The following CACNA1A variants were observed in gnomAD, a reference collection of about 807,000 sequenced individuals.
The protein encoded by CACNA1A is calcium voltage-gated channel subunit alpha1 A.
In CACNA1A, 57 loss-of-function variants were observed where a neutral mutation model predicts 262.4. That is an observed-to-expected ratio of 0.22 (90% CI 0.18 to 0.27). The LOEUF is 0.27. Among genes scored for constraint, CACNA1A ranks in the 10% least tolerant of loss-of-function variants. CACNA1A has a pLI of 1.00. For missense variants in CACNA1A, 2,526 were observed against 3,562.8 expected (o/e 0.71, Z 7.41); for synonymous variants, 1,431 against 1,419.3 (o/e 1.01, Z -0.18).
At chr19:13,369,653 G>C (rs903684327) in intron 4 of CACNA1A, among the ~76,000 whole-genome samples, 1 of 152,190 alleles carries the variant, frequency 6.6e-6, no homozygotes, top group Non-Finnish European at 1.5e-5. Context: ...AGAGACTCTT[G>C]TTACTACTGC....
At chr19:13,224,888 C>T in intron 37 of CACNA1A, 116 bp from the exon 38 acceptor site, 1 of 687,964 alleles carries the variant, frequency 1.5e-6, no homozygotes, top group Non-Finnish European at 2.5e-6. Flanking sequence ...GCTGTGGCGG[C>T]TGAGGTGTCT....
intron 22 of CACNA1A, among the ~76,000 whole-genome samples, chr19:13,282,212 C>T (rs1325615858): frequency 6.6e-6 from 1 of 152,006 alleles, no homozygotes; most frequent in African/African-American, 2.4e-5. Flanking sequence ...AAGCTGTGGG[C>T]GGGCTTGAGG....
rs538527582 is a variant in CACNA1A, at chr19:13,348,885, G to A, written c.978+10721C>T. ...TAGCTGGGTGTGGTGGCACGCACCT[G>A]TAATCCCAGCTACTTGGGAGGTTGA... On this transcript the variant is annotated intron_variant, in intron 6 of 46. Transcript: ENST00000360228. Among the ~76,000 whole-genome samples the A allele has an allele frequency of 1.5e-4, 23 of 151,884 alleles. No homozygotes were observed. In the East Asian group the frequency reaches 4.3e-3, roughly 28 times the overall value.
intron 31 of CACNA1A, among the ~76,000 whole-genome samples, chr19:13,243,272 G>A (rs1370883489): frequency 6.6e-6 from 1 of 152,234 alleles, no homozygotes; most frequent in African/African-American, 2.4e-5. Flanking sequence ...AGGGTGAGGG[G>A]AAGGGGAAAA....
intron 1 of CACNA1A, among the ~76,000 whole-genome samples, chr19:13,472,179 C>A (rs1978286369): frequency 6.6e-6 from 1 of 151,848 alleles, no homozygotes; most frequent in African/African-American, 2.4e-5. Context: ...CTATGTTGCC[C>A]AGGCTGGTCT....
chr19:13,309,259 C>T (rs534697508), intron 12 of CACNA1A, among the ~76,000 whole-genome samples: 2 of 152,046 alleles, frequency 1.3e-5, no homozygotes, highest in African/African-American at 2.4e-5. Context: ...CCGCCTGCCT[C>T]GGCCTCCCAA....
intron 3 of CACNA1A, among the ~76,000 whole-genome samples, chr19:13,429,244 C>T (rs1373377462): frequency 6.6e-6 from 1 of 151,566 alleles, no homozygotes; most frequent in African/African-American, 2.4e-5. Context: ...TCTTCAGCCA[C>T]TAAAATTAGC....
At position 13,234,830 on chromosome 19, in the gene CACNA1A, G is replaced by A. The variant is rs2055819756; in HGVS notation, c.5249+91C>T. ...GAGGAGGGCACGTCTTGCATTGGAA[G>A]AGGAGGGTACATCCTCTATGGGAAC... On this transcript the variant is annotated intron_variant, in intron 34 of 46. Coordinates refer to ENST00000360228, the MANE Select transcript of CACNA1A (RefSeq NM_001127222.2). 2.6e-5 allele frequency: 23 copies of A among 876,392 alleles called. No individual in the cohort carries two copies. The Middle Eastern group carries it at 4.2e-3, about 162-fold the overall frequency. 54.3% of individuals were successfully genotyped at this position (876,392 alleles called of 1,614,324 possible). A position where few individuals can be genotyped will look rare whatever the true frequency, so the allele number is the denominator to read the frequency against.
At chr19:13,320,236 T>TGGAGAGAGAG (rs1491579757) in intron 10 of CACNA1A, among the ~76,000 whole-genome samples, 1 of 73,518 alleles carries the variant, frequency 1.4e-5, no homozygotes, top group African/African-American at 5.1e-5. Flanking sequence ...GTTCCACAGA[T>TGGAGAGAGAG]CGAGAGAGAG....
At chr19:13,336,594 G>GGAGAGGGAGAGAGA (rs1555768096) in intron 6 of CACNA1A, among the ~76,000 whole-genome samples, 28 of 65,506 alleles carry the variant, frequency 4.3e-4, no homozygotes, top group African/African-American at 1.3e-3. Context: ...AGAGAGAGAG[G>GGAGAGGGAGAGAGA]GAGAGAGAGA....
intron 3 of CACNA1A, among the ~76,000 whole-genome samples, chr19:13,437,594 G>A (rs555009906): frequency 4.0e-5 from 6 of 151,568 alleles, no homozygotes; most frequent in Non-Finnish European, 7.4e-5. Flanking sequence ...AGGAGGCTGA[G>A]GTGGGAGAAT....
intron 3 of CACNA1A, among the ~76,000 whole-genome samples, chr19:13,392,301 A>C (rs1327744692): frequency 6.6e-6 from 1 of 152,188 alleles, no homozygotes; most frequent in Middle Eastern, 3.2e-3. Context: ...AGTGTTTTGA[A>C]GGGTACTGTT....
chr19:13,332,800 C>T, intron 9 of CACNA1A, 69 bp downstream of exon 9: 1 of 1,034,168 alleles, frequency 9.7e-7, no homozygotes, highest in Non-Finnish European at 1.5e-6. Context: ...CTGCTCTCCC[C>T]CGACTCCCCA....
chr19:13,245,080 A>T, intron 31 of CACNA1A, 102 bp downstream of exon 31: 1 of 966,214 alleles, frequency 1.0e-6, no homozygotes, highest in Non-Finnish European at 1.6e-6. Context: ...TCAAGCAGCT[A>T]TGGCTTCCGG....
chr19:13,277,024 A>G, intron 23 of CACNA1A, 45 bp downstream of exon 23: 1 of 876,762 alleles, frequency 1.1e-6, no homozygotes, highest in Non-Finnish European at 1.7e-6. Flanking sequence ...GCACTTGCTT[A>G]AAAAAAAAAA....
At chr19:13,253,445 CTTTTTTTTT>C (rs57960659) in intron 29 of CACNA1A, among the ~76,000 whole-genome samples, 5 of 94,230 alleles carry the variant, frequency 5.3e-5, no homozygotes, top group Non-Finnish European at 7.6e-5. Context: ...CTGAATTATA[CTTTTTTTTT>C]TTTTTTTTTT....
rs112144871 is a variant in CACNA1A at position 13,421,191 on chromosome 19, G to A, written c.539+31685C>T. The stretch of plus-strand genomic sequence containing the variant: ...AATCCCTGAGTGACTTTGTGGAAGT[G>A]AGCTTCCCTGCCAACCTGCATGGCT... On this transcript the variant is annotated intron_variant, in intron 3 of 46. Transcript: ENST00000360228. Among the ~76,000 whole-genome samples the A allele has an allele frequency of 4.2e-3, 641 of 152,304 alleles. 3 individuals carry two copies. The highest frequency in any genetic ancestry group is 0.015 in the African/African-American group (616 of 41,572).
intron 3 of CACNA1A, among the ~76,000 whole-genome samples, chr19:13,384,330 C>T (rs145713513): frequency 1.3e-4 from 20 of 152,098 alleles, no homozygotes; most frequent in African/African-American, 3.4e-4. Flanking sequence ...CCAAGGGTCC[C>T]CAGTGGAGAG....
At chr19:13,263,813 G>A (rs912721110) in intron 24 of CACNA1A, among the ~76,000 whole-genome samples, 17 of 152,134 alleles carry the variant, frequency 1.1e-4, no homozygotes, top group Non-Finnish European at 1.8e-4. Flanking sequence ...GAGCCACTGC[G>A]CCTGGCCCCC....
Sources: gnomAD v4.1 joint callset for allele counts (sites outside exome capture counted in the v4.1 genomes callset) on GRCh38, gnomAD v4.1.1 for gene constraint, MANE v1.5 for transcripts, NCBI Gene and HGNC (gene_info 2026-07-23, HGNC 2026-07-21) for gene names.